The following RUFY1 variants were observed in gnomAD, a reference collection of about 807,000 sequenced individuals.
RUFY1 encodes RUN and FYVE domain-containing protein 1.
A neutral mutation model predicts 94.6 loss-of-function variants in RUFY1; 54 were observed. The observed-to-expected ratio is 0.57, with a 90% CI of 0.46 to 0.72. The LOEUF (loss-of-function observed/expected upper bound fraction) is 0.72. Ranked by LOEUF, RUFY1 falls within the 30% of genes least tolerant of loss-of-function variation. The probability of loss-of-function intolerance (pLI) is 0.00; values close to 1 mark genes in which losing one functional copy is unlikely to be tolerated. For missense variants in RUFY1, 883 were observed against 883.9 expected (o/e 1.00, Z 0.01); for synonymous variants, 396 against 347.3 (o/e 1.14, Z -1.56).
intron 3 of RUFY1, among the ~76,000 whole-genome samples, chr5:179,564,168 G>A (rs1762651861): frequency 6.8e-6 from 1 of 146,514 alleles, no homozygotes; most frequent in South Asian, 2.1e-4. Context: ...TGCCCAGGCT[G>A]GAATGCAGTG....
At chr5:179,580,469 C>T in intron 6 of RUFY1, among the ~76,000 whole-genome samples, 1 of 151,488 alleles carries the variant, frequency 6.6e-6, no homozygotes, top group Non-Finnish European at 1.5e-5. Flanking sequence ...GTCTCCATCT[C>T]CTGACCTCGT....
In RUFY1 at chr5:179,591,653, T is replaced by A; in HGVS notation, c.1157T>A (p.Leu386Gln). 6.2e-7 allele frequency: 1 copy of A among 1,613,084 alleles called. No homozygotes were observed. Among genetic ancestry groups the A allele is most frequent in the Non-Finnish European group, 8.5e-7 (1 of 1,179,540 alleles). Residue 386 changes from leucine (L) to glutamine (Q), a missense_variant, in exon 10 of 18, where the codon CTG (leucine) becomes CAG (glutamine). Physicochemically the swap from Leu to Gln is moderately radical, Grantham distance 113. Transcript: ENST00000319449. ...ACAAAACAGGATACCAAAGTTGAGCTGGAGACTTACAAGCAAACTCGGCAA... is the reference window on the plus strand; with the variant it reads ...ACAAAACAGGATACCAAAGTTGAGCAGGAGACTTACAAGCAAACTCGGCAA... ...EITKQDTKVELETYKQTRQGL... is the reference protein window; with the variant it reads ...EITKQDTKVEQETYKQTRQGL...
intron 3 of RUFY1, 38 bp from the exon 4 acceptor site, chr5:179,567,423 G>T: frequency 6.7e-7 from 1 of 1,485,196 alleles, no homozygotes; most frequent in Non-Finnish European, 9.4e-7. Context: ...GTTTGTTGTT[G>T]TTATGCCACA....
chr5:179,576,654 C>T (rs1763635032), intron 5 of RUFY1, among the ~76,000 whole-genome samples: 2 of 152,156 alleles, frequency 1.3e-5, no homozygotes, highest in African/African-American at 2.4e-5. Context: ...CTCCTGACCT[C>T]AGGCAATCCA....
intron 14 of RUFY1, chr5:179,599,459 C>T (rs559445089): frequency 1.3e-5 from 2 of 152,630 alleles, no homozygotes; most frequent in East Asian, 3.9e-4. Context: ...CAGACCGACC[C>T]CAGCCCTCCA....
In RUFY1 at chr5:179,564,459, G is replaced by A. The variant is rs1225213770; in HGVS notation, c.602+1795G>A. On this transcript the variant is annotated intron_variant, in intron 3 of 17. Transcript: ENST00000319449. ...TTTTTTTTAAGACAGTCTCTCTGTCGCCTAGGCTGGAGTGCAGTGGTGGTG... is the reference window on the plus strand; with the variant it reads ...TTTTTTTTAAGACAGTCTCTCTGTCACCTAGGCTGGAGTGCAGTGGTGGTG... Among the ~76,000 whole-genome samples, 5 of 134,966 alleles carry A rather than the reference G, an allele frequency of 3.7e-5. No individual in the cohort carries two copies. The East Asian group carries it at 8.8e-4, about 24-fold the overall frequency. The allele number at this position is 134,966 out of a possible 152,430, so 88.5% of individuals were successfully genotyped here.
rs866974812 is a variant in RUFY1 at position 179,597,291 on chromosome 5, G to A, written c.1631+610G>A. On this transcript the variant is annotated intron_variant, in intron 13 of 17. Transcript: ENST00000319449. ...CACTCTCTTGCCCAGGCTGGAGTGC[G>A]GTGGCGCGATCTCGGCTCACTGCAA... Among the ~76,000 whole-genome samples, 80 of 151,718 alleles carry A rather than the reference G, an allele frequency of 5.3e-4. 2 individuals carry two copies. Among genetic ancestry groups the A allele is most frequent in the Middle Eastern group, 3.2e-3 (1 of 316 alleles).
intron 5 of RUFY1, among the ~76,000 whole-genome samples, chr5:179,575,689 T>C (rs1763562326): frequency 6.6e-6 from 1 of 152,190 alleles, no homozygotes; most frequent in Admixed American, 6.6e-5. Context: ...GTTAGAACCG[T>C]TACACATAGC....
chr5:179,608,326 G>C, intron 17 of RUFY1: 1 of 985,606 alleles, frequency 1.0e-6, no homozygotes, highest in Non-Finnish European at 1.2e-6. Flanking sequence ...TACCCCACCC[G>C]CTCCCCAACC....
At chr5:179,608,383 G>A (rs1001793393) in intron 17 of RUFY1, 49 of 985,412 alleles carry the variant, frequency 5.0e-5, no homozygotes, top group East Asian at 1.1e-4. Flanking sequence ...TAGAAACCAC[G>A]TCCTGAGGCT....
intron 2 of RUFY1, among the ~76,000 whole-genome samples, chr5:179,561,751 C>T (rs28599972): frequency 0.077 from 9,783 of 126,352 alleles, 432 homozygotes; most frequent in African/African-American, 0.14. Flanking sequence ...GGTGCAATCT[C>T]GGCTCACTGC....
Position 179,593,611 on chromosome 5 carries a change from A to G in RUFY1, c.1379A>G (p.Lys460Arg). The G allele has an allele frequency of 6.2e-7, 1 of 1,614,156 alleles. No individual in the cohort carries two copies. The highest frequency in any genetic ancestry group is 8.5e-7 in the Non-Finnish European group (1 of 1,180,016). The change falls in exon 11 of 18, where the codon AAA becomes AGA. Residue 460 changes from lysine to arginine, a missense_variant. Coordinates refer to ENST00000319449, the MANE Select transcript of RUFY1 (RefSeq NM_025158.5). ...CTCCGCCAGCAGCTGGAAGAAGTCA[A>G]AGCGATTAATTTACAGATGTTTCAC... ...VALRQQLEEVKAINLQMFHKA... is the reference protein window; with the variant it reads ...VALRQQLEEVRAINLQMFHKA...
chr5:179,562,409 A>G, intron 2 of RUFY1, 138 bp from the exon 3 acceptor site: 1 of 653,574 alleles, frequency 1.5e-6, no homozygotes, highest in Middle Eastern at 3.1e-4. Context: ...CCATCTCAAA[A>G]AAGATTTTTA....
intron 1 of RUFY1, chr5:179,559,791 G>T: frequency 7.8e-7 from 1 of 1,278,778 alleles, no homozygotes; most frequent in Non-Finnish European, 9.9e-7. Flanking sequence ...GGCCTCTGGA[G>T]CAGGAGGCCC....
chr5:179,551,812 C>A (rs931785721), intron 1 of RUFY1, among the ~76,000 whole-genome samples: 1 of 147,078 alleles, frequency 6.8e-6, no homozygotes, highest in African/African-American at 2.5e-5. Flanking sequence ...CGCGCCCGGC[C>A]GGATTCCTCA....
At chr5:179,594,815 G>T in intron 11 of RUFY1, 51 bp from the exon 12 acceptor site, 1 of 1,112,532 alleles carries the variant, frequency 9.0e-7, no homozygotes, top group Non-Finnish European at 1.4e-6. Context: ...TCCAGAGCAG[G>T]TGCAAGGATG....
chr5:179,591,316 C>G (rs1342857994), intron 9 of RUFY1, among the ~76,000 whole-genome samples: 3 of 152,046 alleles, frequency 2.0e-5, no homozygotes, highest in Non-Finnish European at 1.5e-5. Context: ...TCCCAAGTAG[C>G]TGGGACTACA....
intron 11 of RUFY1, 135 bp from the exon 12 acceptor site, chr5:179,594,731 A>G: frequency 3.8e-6 from 2 of 519,650 alleles, no homozygotes; most frequent in East Asian, 6.9e-5. Context: ...ACTGCACTCT[A>G]GCCTGGGTGA....
Position 179,569,326 on chromosome 5 carries a change from A to G in RUFY1, c.729A>G (p.Leu243=). 1.2e-6 allele frequency: 2 copies of G among 1,613,728 alleles called. No homozygotes were observed. The highest frequency in any genetic ancestry group is 1.7e-6 in the Non-Finnish European group (2 of 1,179,978). Residue 243 remains leucine, a synonymous_variant, in exon 5 of 18, where the codon TTA becomes TTG. Coordinates refer to ENST00000319449, the MANE Select transcript of RUFY1 (RefSeq NM_025158.5). Reference sequence around the variant, plus strand: ...GCGAGTTCTATGAGCCTGAGGCTTTAATGATGGAGGAAGAAGGGATGGTGA... The same window carrying G: ...GCGAGTTCTATGAGCCTGAGGCTTTGATGATGGAGGAAGAAGGGATGGTGA... ...LLSEFYEPEA[L]MMEEEGMVIV...
Sources: allele counts gnomAD v4.1 joint callset (sites outside exome capture counted in the v4.1 genomes callset), GRCh38; gene constraint gnomAD v4.1.1; transcripts MANE v1.5; gene names NCBI Gene and HGNC (gene_info 2026-07-23, HGNC 2026-07-21).